The following EPHB1 variants were observed in gnomAD, a reference collection of about 807,000 sequenced individuals.
EPHB1 encodes EPH receptor B1.
A neutral mutation model predicts 94.4 loss-of-function variants in EPHB1; 30 were observed. The observed-to-expected ratio is 0.32, with a 90% CI of 0.24 to 0.43. The LOEUF (loss-of-function observed/expected upper bound fraction) is 0.43, where lower values mean the gene tolerates loss of function less well. EPHB1 is among the 20% of genes least tolerant of loss of function. EPHB1 has a pLI of 1.00. For synonymous variants in EPHB1, 522 were observed against 489.1 expected (o/e 1.07, Z -0.89); for missense variants, 1,055 against 1,308.3 (o/e 0.81, Z 2.99).
intron 5 of EPHB1, among the ~76,000 whole-genome samples, chr3:135,141,164 T>C (rs1025150619): frequency 7.5e-6 from 1 of 133,898 alleles, no homozygotes; most frequent in Non-Finnish European, 1.6e-5. Flanking sequence ...TTTTTTTTTT[T>C]CTCTTTTTTG....
At chr3:135,089,561 G>A (rs1938484683) in intron 3 of EPHB1, among the ~76,000 whole-genome samples, 1 of 152,180 alleles carries the variant, frequency 6.6e-6, no homozygotes, top group Non-Finnish European at 1.5e-5. Context: ...AGGGTAGGAG[G>A]GCCTGGCCAT....
At chr3:134,968,261 G>T (rs1181757056) in intron 3 of EPHB1, among the ~76,000 whole-genome samples, 1 of 152,092 alleles carries the variant, frequency 6.6e-6, no homozygotes, top group East Asian at 1.9e-4. Context: ...ACCTTGCAAA[G>T]GTTTAAAAAT....
intron 5 of EPHB1, among the ~76,000 whole-genome samples, chr3:135,140,870 C>T (rs1201182186): frequency 1.3e-5 from 2 of 152,192 alleles, no homozygotes; most frequent in East Asian, 3.8e-4. Flanking sequence ...TTTCTGAATG[C>T]AGCAATTAAC....
chr3:135,006,933 A>C (rs1463665004), intron 3 of EPHB1, among the ~76,000 whole-genome samples: 1 of 152,186 alleles, frequency 6.6e-6, no homozygotes, highest in Non-Finnish European at 1.5e-5. Context: ...CAGCTGAAAC[A>C]TGGTACCCTT....
chr3:134,944,158 C>T (rs1325589201), intron 2 of EPHB1, among the ~76,000 whole-genome samples: 1 of 152,160 alleles, frequency 6.6e-6, no homozygotes, highest in Admixed American at 6.5e-5. Context: ...TACTAACATA[C>T]CTCTCTGTCT....
At chr3:134,867,597 A>G (rs1164286953) in intron 1 of EPHB1, among the ~76,000 whole-genome samples, 1 of 152,230 alleles carries the variant, frequency 6.6e-6, no homozygotes, top group Non-Finnish European at 1.5e-5. Context: ...TAGAATGGCT[A>G]TTAGAAGTAA....
chr3:134,881,454 T>C (rs1479625911), intron 1 of EPHB1, among the ~76,000 whole-genome samples: 1 of 152,176 alleles, frequency 6.6e-6, no homozygotes, highest in East Asian at 1.9e-4. Context: ...CCTTAGCTGG[T>C]GCTGGATAAG....
chr3:135,179,435 C>G (rs753561709), intron 9 of EPHB1, among the ~76,000 whole-genome samples: 47 of 152,170 alleles, frequency 3.1e-4, no homozygotes, highest in Non-Finnish European at 5.3e-4. Flanking sequence ...ATAACCTTAA[C>G]AGTGGCCTCC....
chr3:135,061,701 C>G (rs1937513065), intron 3 of EPHB1, among the ~76,000 whole-genome samples: 1 of 151,872 alleles, frequency 6.6e-6, no homozygotes, highest in Non-Finnish European at 1.5e-5. Context: ...CACCCATTAA[C>G]TTGTCATTTA....
chr3:134,851,092 T>C (rs1430481011), intron 1 of EPHB1, among the ~76,000 whole-genome samples: 2 of 152,226 alleles, frequency 1.3e-5, no homozygotes, highest in Non-Finnish European at 2.9e-5. Context: ...GTGCTGGTCC[T>C]GTGTCCCTCC....
At chr3:134,797,803 C>T (rs1352194351) in intron 1 of EPHB1, among the ~76,000 whole-genome samples, 2 of 152,118 alleles carry the variant, frequency 1.3e-5, no homozygotes, top group Admixed American at 6.5e-5. Context: ...GAGCCTGACT[C>T]TGTGGGCTGA....
chr3:135,173,387 G>A (rs1941872978), intron 9 of EPHB1, among the ~76,000 whole-genome samples: 1 of 152,196 alleles, frequency 6.6e-6, no homozygotes, highest in African/African-American at 2.4e-5. Flanking sequence ...TTCTTTGGGA[G>A]ACAGATGTTC....
intron 7 of EPHB1, among the ~76,000 whole-genome samples, chr3:135,164,022 G>A (rs1941582943): frequency 6.6e-6 from 1 of 152,134 alleles, no homozygotes; most frequent in Admixed American, 6.5e-5. Flanking sequence ...GCCCTGGGCT[G>A]CTCTTAGCTA....
At chr3:134,819,322 G>A (rs1474283362) in intron 1 of EPHB1, among the ~76,000 whole-genome samples, 1 of 152,052 alleles carries the variant, frequency 6.6e-6, no homozygotes, top group Non-Finnish European at 1.5e-5. Flanking sequence ...TGTCTTTCAC[G>A]GGGCCAGCAG....
At chr3:135,133,360 G>A (rs1208906907) in intron 5 of EPHB1, among the ~76,000 whole-genome samples, 2 of 152,234 alleles carry the variant, frequency 1.3e-5, no homozygotes, top group Non-Finnish European at 2.9e-5. Flanking sequence ...TGGAAAGATG[G>A]ATGAAGAGAT....
chr3:135,224,878 C>T (rs1487901087), intron 12 of EPHB1, among the ~76,000 whole-genome samples: 1 of 152,188 alleles, frequency 6.6e-6, no homozygotes, highest in Non-Finnish European at 1.5e-5. Flanking sequence ...ACCTGAGAAG[C>T]TTTGGAATGA....
At chr3:135,145,035 TTAA>T (rs1438213311) in intron 5 of EPHB1, among the ~76,000 whole-genome samples, 1 of 152,250 alleles carries the variant, frequency 6.6e-6, no homozygotes, top group Non-Finnish European at 1.5e-5. Flanking sequence ...GCTTATTTGT[TTAA>T]TCTACTTTGA....
At chr3:135,029,244 G>A (rs750788545) in intron 3 of EPHB1, among the ~76,000 whole-genome samples, 2 of 147,220 alleles carry the variant, frequency 1.4e-5, no homozygotes, top group Non-Finnish European at 3.0e-5. Context: ...ATAGTGTTAT[G>A]TGTGAATTTG....
At position 135,114,537 on chromosome 3, in the gene EPHB1, T is replaced by TAAAAAAAAAAAA. The variant is rs56100882; in HGVS notation, c.961+7952_961+7963dup. Among the ~76,000 whole-genome samples, 36 of 37,216 alleles carry TAAAAAAAAAAAA rather than the reference T, an allele frequency of 9.7e-4. 1 individual carries two copies. Among genetic ancestry groups the TAAAAAAAAAAAA allele is most frequent in the African/African-American group, 1.8e-3 (17 of 9,298 alleles). The allele number at this position is 37,216 out of a possible 152,430, so 24.4% of individuals were successfully genotyped here. ...CAATATGGTGAAACCCTGTCTCTACTAAAAAAAAAAAAAAAAAAAAAAAAA... is the reference window on the plus strand; with the variant it reads ...CAATATGGTGAAACCCTGTCTCTACTAAAAAAAAAAAAAAAAAAAAAAAAAAAAAAAAAAAAA... On this transcript the variant is annotated intron_variant, in intron 4 of 15. Transcript: ENST00000398015.
Sources: gnomAD v4.1 joint callset for allele counts (sites outside exome capture counted in the v4.1 genomes callset) on GRCh38, gnomAD v4.1.1 for gene constraint, MANE v1.5 for transcripts, NCBI Gene and HGNC (gene_info 2026-07-23, HGNC 2026-07-21) for gene names.